The following CUL5 variants were observed in gnomAD, a reference collection of about 807,000 sequenced individuals.
CUL5 encodes the protein cullin-5.
A neutral mutation model predicts 108.8 loss-of-function variants in CUL5; 26 were observed. The observed-to-expected ratio is 0.24, with a 90% CI of 0.18 to 0.33. The LOEUF (loss-of-function observed/expected upper bound fraction) is 0.33. Among genes scored for constraint, CUL5 ranks in the 10% least tolerant of loss-of-function variants. CUL5 has a pLI of 1.00. For missense variants in CUL5, 524 were observed against 909.2 expected (o/e 0.58, Z 5.45); for synonymous variants, 334 against 298.0 (o/e 1.12, Z -1.25).
At chr11:108,081,642 C>T (rs1864087186) in intron 11 of CUL5, among the ~76,000 whole-genome samples, 1 of 152,030 alleles carries the variant, frequency 6.6e-6, no homozygotes. Context: ...GTCCCAGCTA[C>T]TCGGGAGGCT....
chr11:108,083,250 C>T (rs951679290), intron 11 of CUL5, among the ~76,000 whole-genome samples: 2 of 152,152 alleles, frequency 1.3e-5, no homozygotes, highest in African/African-American at 4.8e-5. Flanking sequence ...CCTCACTATG[C>T]TGAATAGCAG....
intron 1 of CUL5, among the ~76,000 whole-genome samples, chr11:108,018,708 T>C (rs1862262044): frequency 6.6e-6 from 1 of 152,072 alleles, no homozygotes; most frequent in African/African-American, 2.4e-5. Context: ...ATCACATATA[T>C]GCACTTAATG....
chr11:108,028,776 A>C (rs944468383), intron 1 of CUL5, among the ~76,000 whole-genome samples: 1 of 152,140 alleles, frequency 6.6e-6, no homozygotes, highest in African/African-American at 2.4e-5. Context: ...GTGAGCCGAG[A>C]TCGCCCCATT....
intron 16 of CUL5, 100 bp from the exon 17 acceptor site, chr11:108,097,536 T>C (rs1864531317): frequency 4.6e-6 from 3 of 655,670 alleles, no homozygotes; most frequent in Non-Finnish European, 8.1e-6. Context: ...AAGTTTGTGT[T>C]TGTAATCTTT....
chr11:108,035,510 G>A (rs1166663613), intron 2 of CUL5, among the ~76,000 whole-genome samples: 4 of 151,996 alleles, frequency 2.6e-5, no homozygotes, highest in Admixed American at 1.3e-4. Flanking sequence ...GCCAAGACAG[G>A]GTGATCGCTT....
chr11:108,098,579 T>G (rs752016413), intron 18 of CUL5, 50 bp downstream of exon 18: 14 of 1,397,608 alleles, frequency 1.0e-5, no homozygotes, highest in East Asian at 5.5e-5. Flanking sequence ...TTTAGTTTTT[T>G]TTTTTTTTTT....
chr11:108,056,304 C>G (rs143622405), intron 7 of CUL5, among the ~76,000 whole-genome samples: 8 of 152,256 alleles, frequency 5.3e-5, no homozygotes, highest in Non-Finnish European at 1.2e-4. Context: ...CTAGCTTGCC[C>G]ATAATCAAAT....
chr11:108,097,598 T>C lies in CUL5; in HGVS notation c.1906-38T>C, dbSNP rs374203744. The C allele has an allele frequency of 3.1e-4, 369 of 1,183,128 alleles. 1 individual carries two copies. The highest frequency in any genetic ancestry group is 2.7e-3 in the Middle Eastern group (14 of 5,256). 73.3% of individuals were successfully genotyped at this position (1,183,128 alleles called of 1,614,324 possible). On this transcript the variant is annotated intron_variant, in intron 16 of 18. Coordinates refer to ENST00000393094, the MANE Select transcript of CUL5 (RefSeq NM_003478.6). ...GAATTGATCTTAGTATTCCATACTG[T>C]TTATAGATGCTAATTGTTTTCTCCT...
At chr11:108,073,020 G>A (rs573746777) in intron 9 of CUL5, among the ~76,000 whole-genome samples, 1 of 152,092 alleles carries the variant, frequency 6.6e-6, no homozygotes, top group African/African-American at 2.4e-5. Flanking sequence ...GGCTAACATG[G>A]TGAAACCCCT....
chr11:108,054,701 A>G lies in CUL5; in HGVS notation c.608A>G (p.Glu203Gly). The G allele has an allele frequency of 6.2e-7, 1 of 1,608,938 alleles. No individual in the cohort carries two copies. Among genetic ancestry groups the G allele is most frequent in the Non-Finnish European group, 8.5e-7 (1 of 1,176,090 alleles). ...CTTCAAATTTATAGGGACAATTTTG[A>G]GAAGGCATACTTGGATTCAACAGAG... is the stretch of plus-strand genomic sequence containing the variant. ...DKLQIYRDNFEKAYLDSTERF... is the reference protein window; with the variant it reads ...DKLQIYRDNFGKAYLDSTERF... Residue 203 changes from glutamate (E) to glycine (G), a missense_variant, in exon 6 of 19, where the codon GAG (glutamate) becomes GGG (glycine). Glu to Gly is a moderately conservative substitution (Grantham distance 98). Around this residue, in one of 8 missense-constraint regions of CUL5, gnomAD observed 170 missense variants for 305.1 expected, o/e 0.56. Transcript: ENST00000393094.
At chr11:108,026,211 C>T (rs1862447962) in intron 1 of CUL5, among the ~76,000 whole-genome samples, 1 of 152,092 alleles carries the variant, frequency 6.6e-6, no homozygotes, top group African/African-American at 2.4e-5. Context: ...AAATCTGTCT[C>T]TTCACTTTTC....
rs752706904 is a variant in CUL5 at position 108,054,748 on chromosome 11, C to A, written c.655C>A (p.Pro219Thr). ...AGAGAGATTTTATAGAACACAAGCA[C>A]CCTCGTATTTACAACAAAATGGTGT... ...STERFYRTQA[P>T]SYLQQNGVQN... The change falls in exon 6 of 19, where the codon CCC becomes ACC. Residue 219 changes from proline (P) to threonine (T), a missense_variant. This residue lies in a region of CUL5 where 170 missense variants were observed against 305.1 expected (regional missense o/e 0.56). Transcript: ENST00000393094. The A allele has an allele frequency of 6.2e-7, 1 of 1,611,386 alleles. No individual in the cohort carries two copies. The highest frequency in any genetic ancestry group is 8.5e-7 in the Non-Finnish European group (1 of 1,178,262).
At chr11:108,025,799 C>T (rs538079071) in intron 1 of CUL5, among the ~76,000 whole-genome samples, 4 of 152,308 alleles carry the variant, frequency 2.6e-5, no homozygotes, top group Admixed American at 6.5e-5. Context: ...AAATTCTAGT[C>T]ACCTCAGCCT....
intron 14 of CUL5, 77 bp from the exon 15 acceptor site, chr11:108,094,735 C>A: frequency 1.7e-6 from 2 of 1,185,840 alleles, no homozygotes; most frequent in Non-Finnish European, 1.2e-6. Context: ...TGATTTTTCA[C>A]CCAAAGTTAC....
chr11:108,094,893 A>C lies in CUL5; in HGVS notation c.1649A>C (p.Glu550Ala). ...SEKVFVSLPT[E>A]LEDLIPEVEE... is the part of the protein sequence containing the mutation. ...AAAGTCTTTGTCTCACTTCCTACTG[A>C]ACTGGAGGACTTGATACCGGAAGTA... Residue 550 changes from glutamate (E) to alanine (A), a missense_variant, in exon 15 of 19, where the codon GAA (glutamate) becomes GCA (alanine). Around this residue, in one of 8 missense-constraint regions of CUL5, gnomAD observed 64 missense variants for 152.0 expected, o/e 0.42. Transcript: ENST00000393094. 6.2e-7 allele frequency: 1 copy of C among 1,613,096 alleles called. No homozygotes were observed. The highest frequency in any genetic ancestry group is 2.2e-5 in the East Asian group (1 of 44,836).
intron 2 of CUL5, among the ~76,000 whole-genome samples, chr11:108,039,943 T>C (rs1192963195): frequency 6.6e-6 from 1 of 152,218 alleles, no homozygotes; most frequent in Non-Finnish European, 1.5e-5. Flanking sequence ...ATTGTCCTAC[T>C]ACTTGGAAAC....
At chr11:108,012,538 T>C (rs916652819) in intron 1 of CUL5, among the ~76,000 whole-genome samples, 1 of 151,502 alleles carries the variant, frequency 6.6e-6, no homozygotes, top group African/African-American at 2.4e-5. Flanking sequence ...TTTTTTTTTT[T>C]TTCAGTTTCC....
Position 108,104,970 on chromosome 11 carries a change from A to G in CUL5, c.*586A>G, listed in dbSNP as rs1864756067. On this transcript the variant is annotated 3_prime_UTR_variant, in exon 19 of 19. Transcript: ENST00000393094. The stretch of plus-strand genomic sequence containing the variant: ...TGCTCAGTATAATAACTGGATTTTA[A>G]TGGTGACCTAAAAATGGTATTAAAT... 1 of 152,582 alleles carries G rather than the reference A, an allele frequency of 6.6e-6. No individual in the cohort carries two copies. Among genetic ancestry groups the G allele is most frequent in the Admixed American group, 6.5e-5 (1 of 15,270 alleles). The allele number at this position is 152,582 out of a possible 1,614,324, so 9.5% of individuals were successfully genotyped here. A position where few individuals can be genotyped will look rare whatever the true frequency, so the allele number is the denominator to read the frequency against.
chr11:108,073,150 C>T (rs973860333), intron 9 of CUL5, among the ~76,000 whole-genome samples: 47 of 149,720 alleles, frequency 3.1e-4, no homozygotes, highest in African/African-American at 9.6e-4. Context: ...TGCAGTGAGC[C>T]GAGAAGGTGC....
Sources: gnomAD v4.1 joint callset for allele counts (sites outside exome capture counted in the v4.1 genomes callset) on GRCh38, gnomAD v4.1.1 for gene constraint, gnomAD v4.1.1 regional missense constraint, MANE v1.5 for transcripts, NCBI Gene and HGNC (gene_info 2026-07-23, HGNC 2026-07-21) for gene names.